UXS1: variants seen among roughly 807,000 people sequenced by gnomAD.
UXS1 encodes the protein UDP-glucuronate decarboxylase 1.
In UXS1, 33 loss-of-function variants were observed where a neutral mutation model predicts 62.6. The observed-to-expected ratio is 0.53, with a 90% CI of 0.40 to 0.70. The LOEUF is 0.70. Among genes scored for constraint, UXS1 ranks in the 30% least tolerant of loss-of-function variants. The probability of loss-of-function intolerance (pLI) is 0.00; values close to 1 mark genes in which losing one functional copy is unlikely to be tolerated. For synonymous variants in UXS1, 213 were observed against 206.8 expected, an observed-to-expected ratio of 1.03 and a Z score of -0.26; for missense variants, 434 against 556.3, an observed-to-expected ratio of 0.78 and a Z score of 2.21.
In UXS1 at chr2:106,112,651, G is replaced by A; in HGVS notation, c.874C>T (p.Leu292Phe). Residue 292 changes from leucine (L) to phenylalanine (F), a missense_variant, in exon 10 of 15, where the codon CTC becomes TTC. Coordinates refer to ENST00000283148, the MANE Select transcript of UXS1 (RefSeq NM_001253875.2). ...FILQALQGEP[L>F]TVYGSGSQTR... ...GAGCCGAGGCCAGCACCTACCGTGA[G>A]TGGCTCCCCCTGGAGCGCCTGCAGG... 1.9e-6 allele frequency: 3 copies of A among 1,613,962 alleles called. No homozygotes were observed. Among genetic ancestry groups the A allele is most frequent in the Non-Finnish European group, 2.5e-6 (3 of 1,179,870 alleles).
intron 9 of UXS1, among the ~76,000 whole-genome samples, chr2:106,119,054 C>A (rs1679306390): frequency 6.6e-6 from 1 of 152,202 alleles, no homozygotes; most frequent in Admixed American, 6.5e-5. Context: ...TAAATTTTCT[C>A]CCCAAACTAT....
chr2:106,192,505 G>A (rs1008064330), intron 1 of UXS1, among the ~76,000 whole-genome samples: 1 of 149,902 alleles, frequency 6.7e-6, no homozygotes, highest in Non-Finnish European at 1.5e-5. Context: ...AGTGAGCCGA[G>A]ATCGCGCCCC....
At chr2:106,177,379 A>G (rs1024873753) in intron 1 of UXS1, among the ~76,000 whole-genome samples, 1 of 151,966 alleles carries the variant, frequency 6.6e-6, no homozygotes, top group Non-Finnish European at 1.5e-5. Flanking sequence ...TATTTTTAGT[A>G]GAGATGGGGT....
chr2:106,109,605 G>A (rs747437821), intron 10 of UXS1, among the ~76,000 whole-genome samples: 1 of 152,160 alleles, frequency 6.6e-6, no homozygotes, highest in Non-Finnish European at 1.5e-5. Context: ...ATAAACTTAG[G>A]ACAATAGCTC....
intron 1 of UXS1, among the ~76,000 whole-genome samples, chr2:106,188,332 G>A (rs1017188744): frequency 3.3e-5 from 5 of 152,168 alleles, no homozygotes; most frequent in African/African-American, 1.2e-4. Flanking sequence ...GGGCACGGAC[G>A]TGGGCGGGCA....
In UXS1 at chr2:106,129,658, GA is replaced by G; in HGVS notation, c.577+15del. On this transcript the variant is annotated intron_variant, in intron 7 of 14. Transcript: ENST00000283148. The stretch of plus-strand genomic sequence containing the variant: ...TTCCCAGCAACAGCCAAAAAAACAA[GA>G]AAATGACAACTTACCCAACATGTTT... 1 of 1,589,470 alleles carries G rather than the reference GA, an allele frequency of 6.3e-7. No individual in the cohort carries two copies. The highest frequency in any genetic ancestry group is 8.6e-7 in the Non-Finnish European group (1 of 1,162,708).
intron 6 of UXS1, among the ~76,000 whole-genome samples, chr2:106,141,650 T>C (rs1681106680): frequency 1.3e-5 from 2 of 152,068 alleles, no homozygotes; most frequent in African/African-American, 2.4e-5. Flanking sequence ...GGTTTCGCCA[T>C]GTTGCCCAGG....
At chr2:106,116,747 T>C (rs1446192498) in intron 9 of UXS1, among the ~76,000 whole-genome samples, 9 of 152,232 alleles carry the variant, frequency 5.9e-5, no homozygotes, top group African/African-American at 1.2e-4. Context: ...ACAGCTCTGA[T>C]TACCGAGTGA....
chr2:106,157,593 G>A lies in UXS1; in HGVS notation c.291+465C>T, dbSNP rs74542358. ...ATGCATTCATAGCAGCATTATTCACGATAGCCTCAAGGTGGAAACAACTCC... is the reference window on the plus strand; with the variant it reads ...ATGCATTCATAGCAGCATTATTCACAATAGCCTCAAGGTGGAAACAACTCC... On this transcript the variant is annotated intron_variant, in intron 5 of 14. Coordinates refer to ENST00000283148, the MANE Select transcript of UXS1 (RefSeq NM_001253875.2). Among the ~76,000 whole-genome samples the A allele has an allele frequency of 7.5e-3, 1,142 of 152,192 alleles. 8 individuals carry two copies. Among genetic ancestry groups the A allele is most frequent in the Non-Finnish European group, 0.011 (731 of 68,004 alleles).
chr2:106,192,735 A>G (rs898078969), intron 1 of UXS1, among the ~76,000 whole-genome samples: 5 of 151,888 alleles, frequency 3.3e-5, no homozygotes, highest in East Asian at 1.9e-4. Context: ...TTCTCTTACT[A>G]TCTGTGTGAT....
In UXS1 at chr2:106,093,803, T is replaced by C; in HGVS notation, c.*223A>G. ...AATACGCAGAGATGCATCTACGCTA[T>C]TTTACATAAAAAGAGAGATTCAAAA... On this transcript the variant is annotated 3_prime_UTR_variant, in exon 15 of 15. Coordinates refer to ENST00000283148, the MANE Select transcript of UXS1 (RefSeq NM_001253875.2). The C allele has an allele frequency of 1.9e-6, 1 of 523,108 alleles. No homozygotes were observed. Among genetic ancestry groups the C allele is most frequent in the East Asian group, 3.5e-5 (1 of 28,440 alleles). 32.4% of individuals were successfully genotyped at this position (523,108 alleles called of 1,614,324 possible). A position where few individuals can be genotyped will look rare whatever the true frequency, so the allele number is the denominator to read the frequency against.
chr2:106,184,134 G>A (rs551903028), intron 1 of UXS1, among the ~76,000 whole-genome samples: 13 of 152,328 alleles, frequency 8.5e-5, no homozygotes, highest in African/African-American at 3.1e-4. Context: ...AGAAGTCACA[G>A]TGAGGCAAAA....
At chr2:106,101,545 C>T (rs1490870482) in intron 11 of UXS1, 1 of 156,568 alleles carries the variant, frequency 6.4e-6, no homozygotes, top group Non-Finnish European at 1.4e-5. Context: ...TACGAAAGCA[C>T]ATGATTACTT....
At chr2:106,143,163 T>C (rs907683290) in intron 6 of UXS1, among the ~76,000 whole-genome samples, 12 of 151,304 alleles carry the variant, frequency 7.9e-5, no homozygotes, top group Non-Finnish European at 1.5e-4. Context: ...TAGGTATCAT[T>C]TGGGGGAGGT....
intron 1 of UXS1, among the ~76,000 whole-genome samples, chr2:106,172,753 C>A (rs1683646670): frequency 6.6e-6 from 1 of 152,162 alleles, no homozygotes; most frequent in South Asian, 2.1e-4. Flanking sequence ...GGGAGGAGGA[C>A]CTCTACCCTA....
At chr2:106,124,165 T>C (rs946915016) in intron 8 of UXS1, among the ~76,000 whole-genome samples, 7 of 152,222 alleles carry the variant, frequency 4.6e-5, no homozygotes, top group African/African-American at 1.7e-4. Context: ...AAGGAACCAT[T>C]GACTTAAATT....
At chr2:106,098,093 C>T (rs1677277058) in intron 13 of UXS1, among the ~76,000 whole-genome samples, 1 of 152,202 alleles carries the variant, frequency 6.6e-6, no homozygotes, top group Admixed American at 6.5e-5. Context: ...GTTGTGACTT[C>T]ACTCAAATTT....
intron 1 of UXS1, among the ~76,000 whole-genome samples, chr2:106,175,890 T>A (rs1683846286): frequency 6.6e-6 from 1 of 152,190 alleles, no homozygotes; most frequent in African/African-American, 2.4e-5. Context: ...TGTTTTAAAG[T>A]GGTTGGTTAA....
intron 11 of UXS1, among the ~76,000 whole-genome samples, chr2:106,104,213 G>A (rs1677854682): frequency 6.6e-6 from 1 of 152,174 alleles, no homozygotes; most frequent in Non-Finnish European, 1.5e-5. Flanking sequence ...TAACTACTCT[G>A]AGAATCCACA....
Sources: allele counts gnomAD v4.1 joint callset (sites outside exome capture counted in the v4.1 genomes callset), GRCh38; gene constraint gnomAD v4.1.1; transcripts MANE v1.5; gene names NCBI Gene and HGNC (gene_info 2026-07-23, HGNC 2026-07-21).